The following LGSN variants were observed in gnomAD, a reference collection of about 807,000 sequenced individuals.
The protein encoded by LGSN is lengsin.
Under a neutral mutation model 19.5 loss-of-function variants are expected in LGSN, and 21 were observed. The observed-to-expected ratio is 1.07, with a 90% CI of 0.76 to 1.55. LGSN has a LOEUF of 1.55. LGSN is among the 40% of genes most tolerant of loss of function. The pLI, the probability that LGSN is intolerant of heterozygous loss-of-function variation, is 0.00. For missense variants in LGSN, 673 were observed against 608.5 expected, an observed-to-expected ratio of 1.11 and a Z score of -1.12; for synonymous variants, 257 against 215.6, an observed-to-expected ratio of 1.19 and a Z score of -1.68.
chr6:63,519,246 G>A, the LGSN span, among the ~76,000 whole-genome samples: 2 of 151,938 alleles, frequency 1.3e-5, no homozygotes, highest in Admixed American at 1.3e-4. Context: ...GGCAGAGGTT[G>A]CAGTGAGCCG....
At chr6:63,399,698 C>A in the LGSN span, among the ~76,000 whole-genome samples, 1 of 148,326 alleles carries the variant, frequency 6.7e-6, no homozygotes, top group African/African-American at 2.5e-5. Context: ...ACCCGGCCAT[C>A]ATTTTTTATT....
At chr6:63,528,972 C>T in the LGSN span, among the ~76,000 whole-genome samples, 431 of 151,204 alleles carry the variant, frequency 2.9e-3, 2 homozygotes, top group African/African-American at 0.01. Flanking sequence ...GCCTGTAATC[C>T]CAGCTACTTG....
chr6:63,408,093 G>C, the LGSN span, among the ~76,000 whole-genome samples: 1 of 152,164 alleles, frequency 6.6e-6, no homozygotes, highest in Admixed American at 6.5e-5. Flanking sequence ...TCATGAAAAT[G>C]GCCATACTGC....
chr6:63,565,508 T>C, the LGSN span, among the ~76,000 whole-genome samples: 8 of 152,146 alleles, frequency 5.3e-5, no homozygotes, highest in Non-Finnish European at 8.8e-5. Flanking sequence ...TTACCTCAAA[T>C]GGTTTGATAT....
chr6:63,432,166 AAAGAAAAG>A, the LGSN span, among the ~76,000 whole-genome samples: 3 of 99,252 alleles, frequency 3.0e-5, no homozygotes, highest in African/African-American at 1.4e-4. Flanking sequence ...AGAAAGAAAG[AAAGAAAAG>A]GAAAGAAAGA....
At chr6:63,569,467 G>C in the LGSN span, among the ~76,000 whole-genome samples, 1 of 152,122 alleles carries the variant, frequency 6.6e-6, no homozygotes, top group Non-Finnish European at 1.5e-5. Context: ...ATGTTGACCA[G>C]GCTGGTCTTG....
chr6:63,428,488 A>T, the LGSN span, among the ~76,000 whole-genome samples: 2 of 152,062 alleles, frequency 1.3e-5, no homozygotes, highest in Admixed American at 6.6e-5. Context: ...AGTAGCTGGG[A>T]CTACAGACGT....
the LGSN span, among the ~76,000 whole-genome samples, chr6:63,519,794 TA>T: frequency 6.6e-6 from 1 of 152,188 alleles, no homozygotes; most frequent in Non-Finnish European, 1.5e-5. Context: ...AATAAACCAA[TA>T]AGAAAATTAG....
At chr6:63,481,306 C>CTAATTCA in the LGSN span, among the ~76,000 whole-genome samples, 64 of 151,898 alleles carry the variant, frequency 4.2e-4, 2 homozygotes, top group South Asian at 0.013. Flanking sequence ...TCACAACTAT[C>CTAATTCA]TAATTCATGC....
At chr6:63,332,555 C>T in the LGSN span, among the ~76,000 whole-genome samples, 101 of 152,266 alleles carry the variant, frequency 6.6e-4, no homozygotes, top group African/African-American at 2.1e-3. Flanking sequence ...GGCAAATCAA[C>T]GGTCCCAACT....
At chr6:63,538,976 T>G in the LGSN span, among the ~76,000 whole-genome samples, 2 of 152,138 alleles carry the variant, frequency 1.3e-5, no homozygotes, top group African/African-American at 4.8e-5. Flanking sequence ...CACTGTAACC[T>G]CCTCCTCTTT....
At chr6:63,487,933 T>C in the LGSN span, among the ~76,000 whole-genome samples, 3 of 151,148 alleles carry the variant, frequency 2.0e-5, no homozygotes, top group African/African-American at 7.3e-5. Context: ...TGAGCCGAGA[T>C]CACGCCACTG....
Position 63,280,221 on chromosome 6 carries a change from T to C in LGSN, c.1330A>G (p.Ser444Gly), listed in dbSNP as rs1767239331. 6 of 1,614,050 alleles carry C rather than the reference T, an allele frequency of 3.7e-6. No homozygotes were observed. Among genetic ancestry groups the C allele is most frequent in the South Asian group, 1.1e-5 (1 of 91,074 alleles). Residue 444 changes from serine (S) to glycine (G), a missense_variant, in exon 4 of 4, where the codon AGC becomes GGC. Coordinates refer to ENST00000370657, the MANE Select transcript of LGSN (RefSeq NM_016571.3). ...GGTTCCACTTGGTAAAAGTCTGTGC[T>C]CTCATCTGGACCAGCCAAGACCTCA... ...SNEVLAGPDESTDFYQVEPSE... is the reference protein window; with the variant it reads ...SNEVLAGPDEGTDFYQVEPSE...
At chr6:63,423,947 G>A in the LGSN span, among the ~76,000 whole-genome samples, 1 of 152,174 alleles carries the variant, frequency 6.6e-6, no homozygotes, top group Non-Finnish European at 1.5e-5. Flanking sequence ...AGCCGAGGCA[G>A]GAGAATCACT....
chr6:63,545,077 T>C, the LGSN span, among the ~76,000 whole-genome samples: 2 of 152,210 alleles, frequency 1.3e-5, no homozygotes, highest in East Asian at 3.9e-4. Context: ...CCAATTGGCA[T>C]TCTACTGTAA....
At chr6:63,561,909 G>A in the LGSN span, among the ~76,000 whole-genome samples, 3 of 152,190 alleles carry the variant, frequency 2.0e-5, no homozygotes, top group African/African-American at 7.2e-5. Context: ...CTCTGCTGCA[G>A]AGAGTACAAT....
chr6:63,505,568 AGAAAGAAAGAAAG>A, the LGSN span, among the ~76,000 whole-genome samples: 2 of 32,304 alleles, frequency 6.2e-5, 1 homozygote, highest in Non-Finnish European at 1.6e-4. Flanking sequence ...AAAAAAAAAA[AGAAAGAAAGAAAG>A]AAAGAAAGAA....
chr6:63,493,048 G>A, the LGSN span, among the ~76,000 whole-genome samples: 2 of 152,122 alleles, frequency 1.3e-5, no homozygotes, highest in African/African-American at 4.8e-5. Flanking sequence ...TTTCTCCAAT[G>A]TCTTATTGCC....
the LGSN span, among the ~76,000 whole-genome samples, chr6:63,509,296 C>G: frequency 6.6e-6 from 1 of 151,982 alleles, no homozygotes; most frequent in Non-Finnish European, 1.5e-5. Context: ...AACTCCTGAC[C>G]TCAGGTGATC....
Sources: gnomAD v4.1 joint callset for allele counts (sites outside exome capture counted in the v4.1 genomes callset) on GRCh38, gnomAD v4.1.1 for gene constraint, MANE v1.5 for transcripts, NCBI Gene and HGNC (gene_info 2026-07-23, HGNC 2026-07-21) for gene names.